The following MAN1A2 variants were observed in gnomAD, a reference collection of about 807,000 sequenced individuals.
MAN1A2 encodes mannosyl-oligosaccharide 1,2-alpha-mannosidase IB.
In MAN1A2, 26 loss-of-function variants were observed where a neutral mutation model predicts 75.7. That is an observed-to-expected ratio of 0.34 (90% CI 0.25 to 0.48). MAN1A2 has a LOEUF of 0.48. Ranked by LOEUF, MAN1A2 falls within the 20% of genes least tolerant of loss-of-function variation. The probability of loss-of-function intolerance (pLI) is 0.99; values close to 1 mark genes in which losing one functional copy is unlikely to be tolerated. For synonymous variants in MAN1A2, 247 were observed against 264.6 expected (o/e 0.93, Z 0.65); for missense variants, 562 against 775.5 (o/e 0.72, Z 3.27).
At chr1:117,497,889 T>C (rs10923322) in intron 10 of MAN1A2, among the ~76,000 whole-genome samples, 18,253 of 151,852 alleles carry the variant, frequency 0.12, 1,154 homozygotes, top group Non-Finnish European at 0.14. Context: ...AGTTGAATTG[T>C]TGATTTTATT....
At chr1:117,377,280 C>T (rs2101721058) in intron 1 of MAN1A2, among the ~76,000 whole-genome samples, 1 of 152,174 alleles carries the variant, frequency 6.6e-6, no homozygotes, top group South Asian at 2.1e-4. Flanking sequence ...GTTTTCATGA[C>T]CTAGATTTTT....
intron 1 of MAN1A2, among the ~76,000 whole-genome samples, chr1:117,393,712 A>G (rs1653810071): frequency 6.6e-6 from 1 of 152,146 alleles, no homozygotes; most frequent in African/African-American, 2.4e-5. Context: ...GAATTTGGCG[A>G]TGAGAGTCAA....
At chr1:117,488,508 T>A (rs1650784675) in intron 8 of MAN1A2, among the ~76,000 whole-genome samples, 2 of 151,998 alleles carry the variant, frequency 1.3e-5, no homozygotes, top group African/African-American at 4.8e-5. Flanking sequence ...AAATGGCCAT[T>A]TTATATAGTG....
chr1:117,436,475 A>C (rs1328268759), intron 5 of MAN1A2, among the ~76,000 whole-genome samples: 1 of 152,210 alleles, frequency 6.6e-6, no homozygotes, highest in Non-Finnish European at 1.5e-5. Flanking sequence ...TGCTATAGGA[A>C]GGGACTCCCC....
Position 117,466,483 on chromosome 1 carries a change from T to C in MAN1A2, c.1168+56T>C, listed in dbSNP as rs909432512. 1.9e-5 allele frequency: 23 copies of C among 1,186,466 alleles called. No homozygotes were observed. The African/African-American group carries it at 2.1e-4, about 11-fold the overall frequency. The allele number at this position is 1,186,466 out of a possible 1,614,324, so 73.5% of individuals were successfully genotyped here. A position where few individuals can be genotyped will look rare whatever the true frequency, so the allele number is the denominator to read the frequency against. ...TAAAAAATTATTTGTCTGAAAACTC[T>C]TTGCTTGATGTTGTAAAAAGTACAC... On this transcript the variant is annotated intron_variant, in intron 8 of 12. Coordinates refer to ENST00000356554, the MANE Select transcript of MAN1A2 (RefSeq NM_006699.5).
chr1:117,502,180 CT>C (rs1269756305), intron 11 of MAN1A2, among the ~76,000 whole-genome samples: 2 of 151,224 alleles, frequency 1.3e-5, no homozygotes, highest in African/African-American at 2.4e-5. Flanking sequence ...GGCTGTTAAC[CT>C]CATAGAGTTC....
chr1:117,493,474 A>AT (rs1051305275), intron 9 of MAN1A2: 3 of 385,244 alleles, frequency 7.8e-6, no homozygotes, highest in African/African-American at 6.4e-5. Context: ...TTTTAAAGAA[A>AT]TTTTTGAAGA....
chr1:117,491,560 C>T (rs1212621687), intron 8 of MAN1A2, among the ~76,000 whole-genome samples: 1 of 152,074 alleles, frequency 6.6e-6, no homozygotes, highest in African/African-American at 2.4e-5. Context: ...ATGTTGGTTT[C>T]ATGCCTGCTA....
intron 6 of MAN1A2, among the ~76,000 whole-genome samples, chr1:117,444,701 C>G (rs1649151707): frequency 6.6e-6 from 1 of 151,832 alleles, no homozygotes; most frequent in Non-Finnish European, 1.5e-5. Context: ...CTAAGTCTTG[C>G]TTGAGTTCTT....
chr1:117,406,183 A>G (rs1647609568), intron 3 of MAN1A2, among the ~76,000 whole-genome samples: 1 of 152,134 alleles, frequency 6.6e-6, no homozygotes, highest in Non-Finnish European at 1.5e-5. Flanking sequence ...TGTTCATCCT[A>G]CTTTCCCTGA....
At chr1:117,429,928 C>T (rs575015058) in intron 5 of MAN1A2, among the ~76,000 whole-genome samples, 15 of 67,938 alleles carry the variant, frequency 2.2e-4, no homozygotes, top group East Asian at 9.2e-4. Flanking sequence ...CCAGTAGGGG[C>T]GGCCGGGCAG....
At chr1:117,387,216 TAA>T (rs565416366) in intron 1 of MAN1A2, among the ~76,000 whole-genome samples, 193 of 125,486 alleles carry the variant, frequency 1.5e-3, no homozygotes, top group African/African-American at 2.7e-3. Context: ...ATGGCTGTTG[TAA>T]AAAAAAAAAA....
intron 8 of MAN1A2, among the ~76,000 whole-genome samples, chr1:117,480,258 T>G (rs1329008502): frequency 2.6e-5 from 4 of 151,918 alleles, no homozygotes; most frequent in Non-Finnish European, 4.4e-5. Context: ...CCCCAGTCTT[T>G]CCAGACTCAG....
intron 1 of MAN1A2, among the ~76,000 whole-genome samples, chr1:117,388,472 C>T (rs1283539197): frequency 1.3e-5 from 2 of 152,022 alleles, no homozygotes; most frequent in East Asian, 3.9e-4. Context: ...AAGTATGATG[C>T]CAACATCTGC....
rs763889245 is a variant in MAN1A2 at position 117,496,941 on chromosome 1, C to T, written c.1463C>T (p.Ala488Val). ...GCTGGTCATTATTTAGAGCTAGGGG[C>T]AGAAATTGCACGTACTTGTCATGAG... ...DKAGHYLELGAEIARTCHESY... is the reference protein window; with the variant it reads ...DKAGHYLELGVEIARTCHESY... Residue 488 changes from alanine (A) to valine (V), a missense_variant, in exon 10 of 13, where the codon GCA becomes GTA. Ala to Val is a moderately conservative substitution (Grantham distance 64, BLOSUM62 0). Transcript: ENST00000356554. 1 of 1,612,024 alleles carries T rather than the reference C, an allele frequency of 6.2e-7. No homozygotes were observed. Among genetic ancestry groups the T allele is most frequent in the Non-Finnish European group, 8.5e-7 (1 of 1,178,978 alleles).
chr1:117,517,822 G>A (rs983487832), intron 12 of MAN1A2, among the ~76,000 whole-genome samples: 29 of 151,776 alleles, frequency 1.9e-4, no homozygotes, highest in African/African-American at 6.0e-4. Flanking sequence ...CCAAGCACAA[G>A]AAACATGAAT....
Position 117,523,392 on chromosome 1 carries a change from A to G in MAN1A2, c.*435A>G. 2.7e-6 allele frequency: 1 copy of G among 371,020 alleles called. No individual in the cohort carries two copies. The highest frequency in any genetic ancestry group is 5.5e-6 in the Non-Finnish European group (1 of 182,744). The allele number at this position is 371,020 out of a possible 1,614,324, so 23.0% of individuals were successfully genotyped here. ...CAGCATTCAAATCAAATATTTACAT[A>G]TTGCTTATCACTTTTTCTCCATTTT... is the stretch of plus-strand genomic sequence containing the variant. On this transcript the variant is annotated 3_prime_UTR_variant, in exon 13 of 13. Coordinates refer to ENST00000356554, the MANE Select transcript of MAN1A2 (RefSeq NM_006699.5).
At chr1:117,457,083 A>G (rs1309036499) in intron 6 of MAN1A2, among the ~76,000 whole-genome samples, 3 of 152,130 alleles carry the variant, frequency 2.0e-5, no homozygotes, top group Non-Finnish European at 4.4e-5. Context: ...TTGATTAAAT[A>G]TATTCGACTG....
At chr1:117,521,948 G>A (rs1350419454) in intron 12 of MAN1A2, among the ~76,000 whole-genome samples, 6 of 151,890 alleles carry the variant, frequency 4.0e-5, no homozygotes, top group African/African-American at 7.2e-5. Context: ...ACCAAGCATC[G>A]TATGTTCTCA....
Sources: allele counts gnomAD v4.1 joint callset (sites outside exome capture counted in the v4.1 genomes callset), GRCh38; gene constraint gnomAD v4.1.1; transcripts MANE v1.5; gene names NCBI Gene and HGNC (gene_info 2026-07-23, HGNC 2026-07-21).